The following FANK1 variants were observed in gnomAD, a reference collection of about 807,000 sequenced individuals.
FANK1 encodes fibronectin type III and ankyrin repeat domains 1.
In FANK1, 44 loss-of-function variants were observed where a neutral mutation model predicts 45.3. That is an observed-to-expected ratio of 0.97 (90% CI 0.76 to 1.25). The LOEUF is 1.25. Among genes scored for constraint, FANK1 ranks in the 50% most tolerant of loss-of-function variants. The pLI, the probability that FANK1 is intolerant of heterozygous loss-of-function variation, is 0.00. For missense variants in FANK1, 391 were observed against 424.4 expected (o/e 0.92, Z 0.69); for synonymous variants, 149 against 152.5 (o/e 0.98, Z 0.17).
intron 1 of FANK1, among the ~76,000 whole-genome samples, chr10:125,926,861 G>GTGCTTAAAAA: frequency 1.3e-5 from 2 of 152,356 alleles, no homozygotes; most frequent in South Asian, 4.1e-4. Context: ...GCTCTATTAT[G>GTGCTTAAAAA]TTAGTCTCAT....
At chr10:125,921,681 AGTCT>A (rs1446224409) in intron 1 of FANK1, among the ~76,000 whole-genome samples, 1 of 152,056 alleles carries the variant, frequency 6.6e-6, no homozygotes, top group Non-Finnish European at 1.5e-5. Context: ...GAGTTTTGGT[AGTCT>A]GTCTTTCAAG....
At chr10:126,003,084 G>A (rs1203863819) in intron 6 of FANK1, among the ~76,000 whole-genome samples, 1 of 148,738 alleles carries the variant, frequency 6.7e-6, no homozygotes, top group Non-Finnish European at 1.5e-5. Context: ...ATAGTCTCTG[G>A]TTCTAGACCA....
chr10:125,988,910 G>A (rs1328203144), intron 3 of FANK1: 1 of 646,336 alleles, frequency 1.5e-6, no homozygotes, highest in Admixed American at 2.4e-5. Context: ...TGTCCTGTTA[G>A]TAGCCATTCA....
chr10:126,008,708 C>T (rs960252902), intron 8 of FANK1, among the ~76,000 whole-genome samples, 158 bp downstream of exon 8: 2 of 152,208 alleles, frequency 1.3e-5, no homozygotes, highest in Non-Finnish European at 2.9e-5. Context: ...GGGCATGAGG[C>T]TGTCACTAGA....
intron 6 of FANK1, among the ~76,000 whole-genome samples, chr10:125,998,072 T>C (rs1398859677): frequency 6.6e-6 from 1 of 152,242 alleles, no homozygotes; most frequent in East Asian, 1.9e-4. Context: ...CACTTGCTCA[T>C]CTAGTCATTC....
intron 1 of FANK1, among the ~76,000 whole-genome samples, chr10:125,922,807 C>T (rs1013205145): frequency 6.6e-6 from 1 of 152,210 alleles, no homozygotes; most frequent in Non-Finnish European, 1.5e-5. Flanking sequence ...GACCACCACA[C>T]CTGGCCAGTA....
chr10:125,998,037 A>C (rs1197481918), intron 6 of FANK1, among the ~76,000 whole-genome samples: 1 of 152,256 alleles, frequency 6.6e-6, no homozygotes, highest in Non-Finnish European at 1.5e-5. Context: ...AGGACAGATG[A>C]GAGTGTTCCT....
At chr10:125,964,443 T>TA (rs1398268025) in intron 1 of FANK1, among the ~76,000 whole-genome samples, 2 of 152,140 alleles carry the variant, frequency 1.3e-5, no homozygotes, top group African/African-American at 4.8e-5. Flanking sequence ...TCCACCCGTC[T>TA]AGGCCTCCGA....
rs528216910 is a variant in FANK1, at chr10:125,916,026, A to G, written c.13+19371A>G. On this transcript the variant is annotated intron_variant, in intron 1 of 10. Transcript: ENST00000368693. Reference sequence around the variant, plus strand: ...GTAGCTCCTCTGTGTAATATGAGAAAGTAATGAGAATTTTTTTTTTTTCTT... The same window carrying G: ...GTAGCTCCTCTGTGTAATATGAGAAGGTAATGAGAATTTTTTTTTTTTCTT... Among the ~76,000 whole-genome samples, 6 of 152,236 alleles carry G rather than the reference A, an allele frequency of 3.9e-5. No individual in the cohort carries two copies. In the East Asian group the frequency reaches 1.2e-3, roughly 29 times the overall value.
intron 1 of FANK1, among the ~76,000 whole-genome samples, chr10:125,905,219 C>A (rs1255322162): frequency 2.6e-5 from 4 of 152,238 alleles, no homozygotes; most frequent in Admixed American, 6.5e-5. Flanking sequence ...ATCACTGGAA[C>A]GTGACTGTGA....
At chr10:125,948,822 G>T (rs1948999213) in intron 1 of FANK1, among the ~76,000 whole-genome samples, 1 of 149,252 alleles carries the variant, frequency 6.7e-6, no homozygotes, top group African/African-American at 2.5e-5. Flanking sequence ...CCAAAAAAGA[G>T]AATTTTAGAC....
rs954837031 is a variant in FANK1 at position 125,983,863 on chromosome 10, A to T, written c.191+3525A>T. Among the ~76,000 whole-genome samples the T allele has an allele frequency of 6.6e-6, 1 of 152,022 alleles. No homozygotes were observed. Among genetic ancestry groups the T allele is most frequent in the Admixed American group, 6.6e-5 (1 of 15,246 alleles). On this transcript the variant is annotated intron_variant, in intron 2 of 10. Transcript: ENST00000368693. This position sits in a 1 kb window ranked among gnomAD's most constrained non-coding sequence, Gnocchi z 4.3. ...GTGATCCGGCTTATGTTTTACGAGG[A>T]TCCCTCTGGCTGCTGAGTTGGGAAC... is the stretch of plus-strand genomic sequence containing the variant.
intron 1 of FANK1, among the ~76,000 whole-genome samples, chr10:125,938,402 A>G (rs1277190468): frequency 6.6e-6 from 1 of 152,226 alleles, no homozygotes; most frequent in African/African-American, 2.4e-5. Flanking sequence ...TCCCATTAAC[A>G]GAAGTAGGAG....
At chr10:125,944,021 G>A (rs994800773) in intron 1 of FANK1, among the ~76,000 whole-genome samples, 8 of 152,178 alleles carry the variant, frequency 5.3e-5, no homozygotes. Context: ...GCAACATAAG[G>A]TTAAAGTTGC....
intron 1 of FANK1, among the ~76,000 whole-genome samples, chr10:125,945,348 T>C (rs914606527): frequency 1.4e-4 from 22 of 152,160 alleles, no homozygotes; most frequent in African/African-American, 5.1e-4. Context: ...ACCGGGTTTG[T>C]CTCACTAGGG....
intron 1 of FANK1, among the ~76,000 whole-genome samples, chr10:125,964,511 A>G (rs566637161): frequency 6.6e-6 from 1 of 152,094 alleles, no homozygotes; most frequent in Non-Finnish European, 1.5e-5. Flanking sequence ...ATCATTCTCT[A>G]CATAACGTTT....
At chr10:125,919,700 A>G (rs556129350) in intron 1 of FANK1, among the ~76,000 whole-genome samples, 1 of 152,306 alleles carries the variant, frequency 6.6e-6, no homozygotes, top group East Asian at 1.9e-4. Context: ...GAAGTGCATC[A>G]AAGGGGTGGA....
At chr10:125,914,136 G>A (rs61870877) in intron 1 of FANK1, among the ~76,000 whole-genome samples, 3 of 151,648 alleles carry the variant, frequency 2.0e-5, no homozygotes, top group South Asian at 2.1e-4. Flanking sequence ...AACCCTGCCC[G>A]CCTCCCAGAC....
chr10:125,956,058 G>GA (rs1345165337), intron 1 of FANK1, among the ~76,000 whole-genome samples: 1 of 152,180 alleles, frequency 6.6e-6, no homozygotes, highest in Non-Finnish European at 1.5e-5. Flanking sequence ...TTTAAAGTCA[G>GA]AATCAGGAGG....
Sources: gnomAD v4.1 joint callset for allele counts (sites outside exome capture counted in the v4.1 genomes callset) on GRCh38, gnomAD v4.1.1 for gene constraint, Gnocchi (gnomAD v3.1) non-coding constraint, MANE v1.5 for transcripts, NCBI Gene and HGNC (gene_info 2026-07-23, HGNC 2026-07-21) for gene names.